Variants in MCC observed in about 807,000 individuals in gnomAD.
MCC encodes the protein colorectal mutant cancer protein.
A neutral mutation model predicts 116.2 loss-of-function variants in MCC; 90 were observed. That is an observed-to-expected ratio of 0.77 (90% CI 0.65 to 0.92). The LOEUF (loss-of-function observed/expected upper bound fraction) is 0.92, where lower values mean the gene tolerates loss of function less well. Ranked by LOEUF, MCC falls within the 40% of genes least tolerant of loss-of-function variation. The pLI, the probability that MCC is intolerant of heterozygous loss-of-function variation, is 0.00. For synonymous variants in MCC, 578 were observed against 510.5 expected (o/e 1.13, Z -1.78); for missense variants, 1,516 against 1,312.2 (o/e 1.16, Z -2.40).
rs962013185 is a variant in MCC, at chr5:113,351,185, A to C, written c.416-10455T>G. 1.3e-5 allele frequency among the ~76,000 whole-genome samples: 2 copies of C among 152,118 alleles called. 1 individual carries two copies. The highest frequency in any genetic ancestry group is 4.1e-4 in the South Asian group (2 of 4,832). On this transcript the variant is annotated intron_variant, in intron 2 of 18. Transcript: ENST00000408903. Reference sequence around the variant, plus strand: ...TAGGATCCTGCAGTCCCACTGCTGGATATATACCCAAAAGAAAGGAAATCA... The same window carrying C: ...TAGGATCCTGCAGTCCCACTGCTGGCTATATACCCAAAAGAAAGGAAATCA...
intron 2 of MCC, among the ~76,000 whole-genome samples, chr5:113,371,253 C>T (rs1768830529): frequency 6.6e-6 from 1 of 152,086 alleles, no homozygotes; most frequent in African/African-American, 2.4e-5. Context: ...ACAGTTGAAT[C>T]AGAAGCCAGG....
intron 1 of MCC, among the ~76,000 whole-genome samples, chr5:113,444,033 T>C (rs566729881): frequency 7.0e-4 from 94 of 133,722 alleles, no homozygotes; most frequent in Non-Finnish European, 1.3e-3. Flanking sequence ...TTAGTAGAGA[T>C]GGGGTTTCGC....
At chr5:113,236,900 C>T (rs1233394008) in intron 3 of MCC, among the ~76,000 whole-genome samples, 10 of 152,066 alleles carry the variant, frequency 6.6e-5, no homozygotes, top group African/African-American at 9.7e-5. Context: ...TTTTCTTCCT[C>T]GACTGAATTT....
At chr5:113,468,584 C>A (rs1771981779) in intron 1 of MCC, among the ~76,000 whole-genome samples, 1 of 152,094 alleles carries the variant, frequency 6.6e-6, no homozygotes, top group Non-Finnish European at 1.5e-5. Flanking sequence ...TTCGGTTTGC[C>A]AGTATTTTAT....
intron 3 of MCC, among the ~76,000 whole-genome samples, chr5:113,336,888 G>C (rs948018295): frequency 6.6e-6 from 1 of 152,204 alleles, no homozygotes; most frequent in Non-Finnish European, 1.5e-5. Context: ...AGAAGAAAAG[G>C]AAGAGATGCT....
intron 15 of MCC, among the ~76,000 whole-genome samples, chr5:113,051,059 G>C (rs144969328): frequency 1.3e-5 from 2 of 152,336 alleles, no homozygotes; most frequent in East Asian, 3.9e-4. Context: ...TCAAGCTTGT[G>C]TCATGTGTAG....
intron 17 of MCC, among the ~76,000 whole-genome samples, chr5:113,041,806 C>T (rs1361472119): frequency 6.6e-6 from 1 of 151,778 alleles, no homozygotes; most frequent in Non-Finnish European, 1.5e-5. Flanking sequence ...ACCAGCCTGG[C>T]CAACATGGTG....
intron 1 of MCC, among the ~76,000 whole-genome samples, chr5:113,440,253 C>T (rs1465464448): frequency 6.6e-6 from 1 of 152,138 alleles, no homozygotes; most frequent in Non-Finnish European, 1.5e-5. Flanking sequence ...GCTTGAAATT[C>T]TTGAGTAGGC....
At chr5:113,065,049 G>A (rs1297527049) in intron 13 of MCC, among the ~76,000 whole-genome samples, 1 of 152,152 alleles carries the variant, frequency 6.6e-6, no homozygotes, top group Non-Finnish European at 1.5e-5. Flanking sequence ...GGTTGGGGGA[G>A]GAATGAATAG....
In MCC at chr5:113,122,312, T is replaced by C. The variant is rs142905442; in HGVS notation, c.1027+372A>G. Reference sequence around the variant, plus strand: ...CCTCCTTCTTGCCCAATCCAAGTAGTTGTTAAAACCTATTGGGATTCTTCC... The same window carrying C: ...CCTCCTTCTTGCCCAATCCAAGTAGCTGTTAAAACCTATTGGGATTCTTCC... On this transcript the variant is annotated intron_variant, in intron 6 of 18. Transcript: ENST00000408903. Among the ~76,000 whole-genome samples, 4 of 152,348 alleles carry C rather than the reference T, an allele frequency of 2.6e-5. No individual in the cohort carries two copies. The East Asian group carries it at 7.7e-4, about 29-fold the overall frequency.
At chr5:113,049,643 C>G (rs548839932) in intron 15 of MCC, among the ~76,000 whole-genome samples, 1 of 152,214 alleles carries the variant, frequency 6.6e-6, no homozygotes, top group Admixed American at 6.5e-5. Context: ...GAAACCCATT[C>G]TCTGGTCTGC....
intron 3 of MCC, chr5:113,269,056 G>T: frequency 3.6e-6 from 2 of 556,020 alleles, no homozygotes; most frequent in Non-Finnish European, 4.6e-6. Flanking sequence ...GAAGGCAGCA[G>T]CACAAACAGA....
chr5:113,420,520 GACAGTAATTCT>G (rs1317630597), intron 1 of MCC, among the ~76,000 whole-genome samples: 1 of 152,142 alleles, frequency 6.6e-6, no homozygotes, highest in Non-Finnish European at 1.5e-5. Context: ...ATACAAACCT[GACAGTAATTCT>G]TCTTCTCTGA....
chr5:113,052,581 C>T (rs1353584191), intron 15 of MCC, among the ~76,000 whole-genome samples: 2 of 152,166 alleles, frequency 1.3e-5, no homozygotes, highest in Admixed American at 1.3e-4. Flanking sequence ...CTGAGTGAGT[C>T]ACCCCTGAGG....
intron 3 of MCC, among the ~76,000 whole-genome samples, chr5:113,261,006 G>A (rs1045856277): frequency 2.6e-5 from 4 of 152,124 alleles, no homozygotes; most frequent in African/African-American, 9.7e-5. Context: ...ATATACCTTT[G>A]TGATGAATTA....
intron 18 of MCC, among the ~76,000 whole-genome samples, chr5:113,028,413 TTAAA>T (rs1036920370): frequency 1.2e-4 from 18 of 152,320 alleles, no homozygotes; most frequent in African/African-American, 3.1e-4. Context: ...AATAAAAACT[TTAAA>T]TAATTTATCT....
At chr5:113,262,997 T>C (rs1434373877) in intron 3 of MCC, among the ~76,000 whole-genome samples, 1 of 151,812 alleles carries the variant, frequency 6.6e-6, no homozygotes, top group Non-Finnish European at 1.5e-5. Flanking sequence ...TCCTGACACA[T>C]TTTTCAAAAT....
At chr5:113,384,839 G>A in intron 2 of MCC, 129 bp downstream of exon 2, 3 of 1,015,170 alleles carry the variant, frequency 3.0e-6, no homozygotes, top group Non-Finnish European at 4.4e-6. Context: ...CAGGGAAAGT[G>A]TGGCCAGGAG....
At position 113,049,135 on chromosome 5, in the gene MCC, G is replaced by T; in HGVS notation, c.2613C>A (p.Ser871=). ...VEEQKEQRMR[S]LSSTSSGSKD... The stretch of plus-strand genomic sequence containing the variant: ...TGCTGCCGCTGCTGGTGGAGCTGAG[G>T]GATCGCATCCGCTGCTCCTTCTGCT... The change falls in exon 16 of 19, where the codon TCC becomes TCA. Residue 871 remains serine, a synonymous_variant. Transcript: ENST00000408903. 6.2e-7 allele frequency: 1 copy of T among 1,614,178 alleles called. No individual in the cohort carries two copies. The highest frequency in any genetic ancestry group is 8.5e-7 in the Non-Finnish European group (1 of 1,180,020).
Sources: gnomAD v4.1 joint callset for allele counts (sites outside exome capture counted in the v4.1 genomes callset) on GRCh38, gnomAD v4.1.1 for gene constraint, MANE v1.5 for transcripts, NCBI Gene and HGNC (gene_info 2026-07-23, HGNC 2026-07-21) for gene names.